The following MAN1A1 variants were observed in gnomAD, a reference collection of about 807,000 sequenced individuals.
MAN1A1 encodes mannosyl-oligosaccharide 1,2-alpha-mannosidase IA.
A neutral mutation model predicts 70.8 loss-of-function variants in MAN1A1; 29 were observed. The ratio of observed to expected loss-of-function variants is 0.41; its 90% CI spans 0.31 to 0.56. The LOEUF (loss-of-function observed/expected upper bound fraction) is 0.56. Ranked by LOEUF, MAN1A1 falls within the 20% of genes least tolerant of loss-of-function variation. The pLI, the probability that MAN1A1 is intolerant of heterozygous loss-of-function variation, is 0.29. For missense variants in MAN1A1, 747 were observed against 841.3 expected, an observed-to-expected ratio of 0.89 and a Z score of 1.39; for synonymous variants, 349 against 330.1, an observed-to-expected ratio of 1.06 and a Z score of -0.62.
chr6:119,266,646 T>C (rs1775762297), intron 5 of MAN1A1, among the ~76,000 whole-genome samples: 1 of 152,046 alleles, frequency 6.6e-6, no homozygotes, highest in Non-Finnish European at 1.5e-5. Flanking sequence ...TCCTAGAAGA[T>C]AATACAGGAT....
chr6:119,187,283 T>C (rs573491073), intron 11 of MAN1A1, among the ~76,000 whole-genome samples: 1 of 152,352 alleles, frequency 6.6e-6, no homozygotes, highest in East Asian at 1.9e-4. Flanking sequence ...ACTTAAAATA[T>C]TCAATTCATT....
intron 2 of MAN1A1, among the ~76,000 whole-genome samples, chr6:119,336,645 T>C (rs1430399067): frequency 6.6e-6 from 1 of 152,220 alleles, no homozygotes; most frequent in Admixed American, 6.5e-5. Context: ...ACCAAGCTTC[T>C]TTCTCTTTCT....
chr6:119,199,486 C>G lies in MAN1A1; in HGVS notation c.1210+1768G>C, dbSNP rs147012454. ...GATTTATGAGTATTTTCCATTTCACCTCACAGAACATGACAAAGGTGTGTA... is the reference window on the plus strand; with the variant it reads ...GATTTATGAGTATTTTCCATTTCACGTCACAGAACATGACAAAGGTGTGTA... On this transcript the variant is annotated intron_variant, in intron 8 of 12. Transcript: ENST00000368468. Among the ~76,000 whole-genome samples, 575 of 152,196 alleles carry G rather than the reference C, an allele frequency of 3.8e-3. 4 individuals carry two copies. The highest frequency in any genetic ancestry group is 0.013 in the African/African-American group (543 of 41,516).
chr6:119,240,977 A>G (rs535143402), intron 6 of MAN1A1, among the ~76,000 whole-genome samples: 2 of 152,312 alleles, frequency 1.3e-5, no homozygotes, highest in East Asian at 3.9e-4. Flanking sequence ...CCTTAGGTAC[A>G]GGGCCAGGTT....
intron 6 of MAN1A1, among the ~76,000 whole-genome samples, chr6:119,239,260 T>TGCTA (rs1470055258): frequency 6.6e-6 from 1 of 152,224 alleles, no homozygotes; most frequent in Non-Finnish European, 1.5e-5. Context: ...TTGTCATGAT[T>TGCTA]GCTAAATCAC....
chr6:119,258,828 A>G (rs1180524062), intron 5 of MAN1A1, among the ~76,000 whole-genome samples: 2 of 152,194 alleles, frequency 1.3e-5, no homozygotes, highest in Non-Finnish European at 2.9e-5. Context: ...TCACCATCAT[A>G]TGCATACAGA....
intron 6 of MAN1A1, among the ~76,000 whole-genome samples, chr6:119,226,164 G>A (rs963505390): frequency 1.3e-5 from 2 of 152,126 alleles, no homozygotes; most frequent in African/African-American, 4.8e-5. Flanking sequence ...TATGAAGACA[G>A]ACAACTAACA....
At chr6:119,192,300 C>T (rs1431353027) in intron 9 of MAN1A1, among the ~76,000 whole-genome samples, 3 of 152,106 alleles carry the variant, frequency 2.0e-5, no homozygotes, top group Admixed American at 6.5e-5. Context: ...AACCTCACAG[C>T]AATGAGGAAA....
chr6:119,330,864 CAG>C (rs71708420), intron 2 of MAN1A1, among the ~76,000 whole-genome samples: 28,473 of 151,898 alleles, frequency 0.19, 3,078 homozygotes, highest in Admixed American at 0.3. Context: ...CCTAATCTGC[CAG>C]AGTTATGTTC....
chr6:119,258,292 C>T (rs1280020637), intron 5 of MAN1A1, among the ~76,000 whole-genome samples: 1 of 152,180 alleles, frequency 6.6e-6, no homozygotes, highest in African/African-American at 2.4e-5. Context: ...TGTGCATATA[C>T]AGTTGGACCT....
At chr6:119,198,776 T>C (rs1773639896) in intron 8 of MAN1A1, among the ~76,000 whole-genome samples, 2 of 152,236 alleles carry the variant, frequency 1.3e-5, no homozygotes, top group Admixed American at 6.5e-5. Flanking sequence ...CTATATGTTG[T>C]TTTGGCTGTA....
chr6:119,308,236 T>C (rs991157861), intron 2 of MAN1A1, among the ~76,000 whole-genome samples: 2 of 152,174 alleles, frequency 1.3e-5, no homozygotes, highest in African/African-American at 2.4e-5. Flanking sequence ...ATCTCCAAGC[T>C]AGCCTGACTC....
intron 2 of MAN1A1, among the ~76,000 whole-genome samples, chr6:119,326,608 G>C (rs1375823398): frequency 6.6e-6 from 1 of 152,210 alleles, no homozygotes; most frequent in African/African-American, 2.4e-5. Flanking sequence ...ACAAAGGAAA[G>C]AGGGCTCATG....
At chr6:119,192,778 A>C (rs775105836) in intron 9 of MAN1A1, among the ~76,000 whole-genome samples, 1 of 152,190 alleles carries the variant, frequency 6.6e-6, no homozygotes, top group Non-Finnish European at 1.5e-5. Context: ...TCGCAAAAGC[A>C]CCTGATTCCA....
chr6:119,243,907 C>T (rs1468938906), intron 6 of MAN1A1, among the ~76,000 whole-genome samples: 1 of 152,012 alleles, frequency 6.6e-6, no homozygotes, highest in African/African-American at 2.4e-5. Flanking sequence ...TAAAAGCACA[C>T]ACTGTAGACA....
At chr6:119,222,321 TAAGGA>T (rs1226637287) in intron 6 of MAN1A1, among the ~76,000 whole-genome samples, 2 of 150,346 alleles carry the variant, frequency 1.3e-5, no homozygotes, top group African/African-American at 4.9e-5. Flanking sequence ...TTTTTTTTTT[TAAGGA>T]TTTTTTTTTT....
chr6:119,225,692 G>C (rs1774493978), intron 6 of MAN1A1, among the ~76,000 whole-genome samples: 1 of 152,128 alleles, frequency 6.6e-6, no homozygotes, highest in South Asian at 2.1e-4. Flanking sequence ...ATTAATGGCT[G>C]ACTTCTCAGA....
intron 2 of MAN1A1, among the ~76,000 whole-genome samples, chr6:119,344,466 CT>C (rs1380614501): frequency 2.0e-5 from 3 of 152,220 alleles, no homozygotes; most frequent in Non-Finnish European, 4.4e-5. Context: ...CCTCCCTGCT[CT>C]GGGGAAGGGC....
chr6:119,285,094 A>G (rs1333385183), intron 5 of MAN1A1, among the ~76,000 whole-genome samples: 3 of 150,936 alleles, frequency 2.0e-5, no homozygotes, highest in African/African-American at 7.3e-5. Flanking sequence ...ACATGGCCAG[A>G]GGGGGAGCAG....
Sources: allele counts gnomAD v4.1 joint callset (sites outside exome capture counted in the v4.1 genomes callset), GRCh38; gene constraint gnomAD v4.1.1; transcripts MANE v1.5; gene names NCBI Gene and HGNC (gene_info 2026-07-23, HGNC 2026-07-21).